The following TENM1 variants were observed in gnomAD, a reference collection of about 807,000 sequenced individuals.
TENM1 encodes the protein teneurin transmembrane protein 1.
TENM1 carries 35 observed loss-of-function variants against 174.8 expected under a neutral mutation model. The observed-to-expected ratio is 0.20, with a 90% CI of 0.15 to 0.27. TENM1 has a LOEUF of 0.27. Ranked by LOEUF, TENM1 falls within the 10% of genes least tolerant of loss-of-function variation. The pLI is 1.00. For missense variants in TENM1, 1,633 were observed against 2,130.1 expected, an observed-to-expected ratio of 0.77 and a Z score of 4.59; for synonymous variants, 781 against 798.7, an observed-to-expected ratio of 0.98 and a Z score of 0.37.
chrX:124,742,036 TGTCA>T (rs1478557356), intron 3 of TENM1, among the ~76,000 whole-genome samples: 2 of 112,078 alleles, frequency 1.8e-5, no homozygotes, highest in Non-Finnish European at 3.8e-5. Flanking sequence ...AAATAAATAT[TGTCA>T]GTATTACAGT....
chrX:124,662,686 C>T (rs1267784589), intron 6 of TENM1, among the ~76,000 whole-genome samples: 2 of 110,826 alleles, frequency 1.8e-5, no homozygotes, highest in Non-Finnish European at 3.8e-5. Flanking sequence ...TAAAAATGTA[C>T]TCCTCAAGAT....
At chrX:124,807,309 T>C (rs986316472) in intron 3 of TENM1, among the ~76,000 whole-genome samples, 1 of 112,027 alleles carries the variant, frequency 8.9e-6, no homozygotes, top group Non-Finnish European at 1.9e-5. Flanking sequence ...CTGTATGATA[T>C]ATGCAAACTG....
chrX:124,953,226 C>T (rs1479969100), intron 1 of TENM1, among the ~76,000 whole-genome samples: 1 of 111,799 alleles, frequency 8.9e-6, no homozygotes, highest in Non-Finnish European at 1.9e-5. Flanking sequence ...TTTCAAAATG[C>T]CATTTCTGAA....
At chrX:125,083,039 T>G in the TENM1 span, among the ~76,000 whole-genome samples, 1 of 111,464 alleles carries the variant, frequency 9.0e-6, no homozygotes, top group African/African-American at 3.2e-5. Flanking sequence ...GGGGACTTGA[T>G]CAATCTTGCT....
At chrX:125,184,538 G>A in the TENM1 span, among the ~76,000 whole-genome samples, 17 of 111,410 alleles carry the variant, frequency 1.5e-4, no homozygotes, top group East Asian at 8.5e-4. Flanking sequence ...TGACAAATAC[G>A]TTTTAAATTT....
At chrX:125,109,077 T>C in the TENM1 span, among the ~76,000 whole-genome samples, 21 of 111,530 alleles carry the variant, frequency 1.9e-4, no homozygotes, top group Admixed American at 1.2e-3. Context: ...TTGTTGTTTC[T>C]GGAATGTCAA....
chrX:124,493,165 T>G (rs1421572749), intron 20 of TENM1, among the ~76,000 whole-genome samples: 1 of 111,445 alleles, frequency 9.0e-6, no homozygotes, highest in Non-Finnish European at 1.9e-5. Context: ...CAAAAACTAA[T>G]TTTTCTTTAT....
intron 14 of TENM1, among the ~76,000 whole-genome samples, chrX:124,552,972 A>AT (rs751411751): frequency 9.1e-6 from 1 of 110,408 alleles, no homozygotes. Context: ...TTTAATCTTA[A>AT]TTTTTTTAAT....
chrX:125,189,379 G>A, the TENM1 span, among the ~76,000 whole-genome samples: 2 of 112,338 alleles, frequency 1.8e-5, no homozygotes, highest in African/African-American at 6.5e-5. Flanking sequence ...TTAAGAAAAA[G>A]AAATTAGAAT....
intron 21 of TENM1, among the ~76,000 whole-genome samples, chrX:124,485,443 C>A (rs968791486): frequency 1.8e-5 from 2 of 110,848 alleles, no homozygotes; most frequent in Non-Finnish European, 3.8e-5. Flanking sequence ...AAATTTTTGC[C>A]TTCAGAATAA....
intron 25 of TENM1, among the ~76,000 whole-genome samples, 163 bp downstream of exon 28, chrX:124,420,148 T>C (rs994664409): frequency 8.9e-6 from 1 of 111,958 alleles, no homozygotes; most frequent in Non-Finnish European, 1.9e-5. Flanking sequence ...GTCTGAACTC[T>C]AGGAATTAGG....
intron 3 of TENM1, among the ~76,000 whole-genome samples, chrX:124,775,215 A>G (rs903404644): frequency 3.7e-5 from 4 of 107,768 alleles, no homozygotes; most frequent in African/African-American, 1.4e-4. Context: ...CTGAGGCAGG[A>G]GAATTGCTTG....
chrX:124,483,166 G>C, intron 21 of TENM1, among the ~76,000 whole-genome samples: 1 of 111,623 alleles, frequency 9.0e-6, no homozygotes, highest in Non-Finnish European at 1.9e-5. Context: ...TGTTAGCCAA[G>C]CCTTTCTTCT....
At chrX:124,607,230 G>A (rs2050180215) in intron 11 of TENM1, among the ~76,000 whole-genome samples, 1 of 111,143 alleles carries the variant, frequency 9.0e-6, no homozygotes, top group Non-Finnish European at 1.9e-5. Context: ...TATGTGTAGG[G>A]GGTGATGGTA....
intron 11 of TENM1, among the ~76,000 whole-genome samples, chrX:124,580,939 A>G (rs1170838183): frequency 9.1e-6 from 1 of 110,118 alleles, no homozygotes; most frequent in Non-Finnish European, 1.9e-5. Flanking sequence ...TGAGTATTCA[A>G]TGTTTGGCTC....
At chrX:124,423,186 C>T (rs2060674026) in intron 23 of TENM1, among the ~76,000 whole-genome samples, 1 of 112,151 alleles carries the variant, frequency 8.9e-6, no homozygotes, top group Non-Finnish European at 1.9e-5. Flanking sequence ...AATGAGCAAC[C>T]TTTTGCAACA....
chrX:124,854,768 T>C (rs2056783976), intron 3 of TENM1, among the ~76,000 whole-genome samples: 1 of 111,683 alleles, frequency 9.0e-6, no homozygotes, highest in Non-Finnish European at 1.9e-5. Flanking sequence ...TCTAAACTGT[T>C]GTTTGGAAAA....
chrX:124,826,217 C>G (rs975725154), intron 3 of TENM1, among the ~76,000 whole-genome samples: 1 of 110,344 alleles, frequency 9.1e-6, no homozygotes, highest in Non-Finnish European at 1.9e-5. Context: ...CGAGACCAGC[C>G]TGAGCAACAT....
the TENM1 span, among the ~76,000 whole-genome samples, chrX:125,021,016 C>T: frequency 9.5e-6 from 1 of 105,388 alleles, no homozygotes; most frequent in Non-Finnish European, 2.0e-5. Context: ...CTCACTAAAG[C>T]TTTATAATTG....
Sources: allele counts gnomAD v4.1 joint callset (sites outside exome capture counted in the v4.1 genomes callset), GRCh38; gene constraint gnomAD v4.1.1; transcripts MANE v1.5; gene names NCBI Gene and HGNC (gene_info 2026-07-23, HGNC 2026-07-21).